SNX16: variants seen among roughly 807,000 people sequenced by gnomAD.
SNX16 encodes sorting nexin 16, also known as sorting nexin-16.
A neutral mutation model predicts 36.7 loss-of-function variants in SNX16; 35 were observed. The observed-to-expected ratio is 0.95, with a 90% CI of 0.73 to 1.27. The LOEUF (loss-of-function observed/expected upper bound fraction) is 1.27. SNX16 is among the 50% of genes most tolerant of loss of function. The pLI is 0.00. For missense variants in SNX16, 367 were observed against 393.6 expected, an observed-to-expected ratio of 0.93 and a Z score of 0.57; for synonymous variants, 134 against 132.0, an observed-to-expected ratio of 1.02 and a Z score of -0.10.
At chr8:81,815,265 G>A in intron 5 of SNX16, 60 bp downstream of exon 5, 3 of 1,239,084 alleles carry the variant, frequency 2.4e-6, no homozygotes, top group Non-Finnish European at 2.3e-6. Flanking sequence ...AAGAAACAAT[G>A]TAGTTATTGT....
chr8:81,836,030 T>C (rs1726960674), intron 2 of SNX16, among the ~76,000 whole-genome samples: 1 of 152,078 alleles, frequency 6.6e-6, no homozygotes, highest in Non-Finnish European at 1.5e-5. Context: ...CCTAATTACC[T>C]CCCACCAGGT....
At chr8:81,835,901 A>G (rs1586022520) in intron 2 of SNX16, among the ~76,000 whole-genome samples, 1 of 152,318 alleles carries the variant, frequency 6.6e-6, no homozygotes, top group South Asian at 2.1e-4. Context: ...CTTATTCACT[A>G]TCACAAGAAC....
At chr8:81,825,230 G>A (rs929138774) in intron 3 of SNX16, among the ~76,000 whole-genome samples, 8 of 152,176 alleles carry the variant, frequency 5.3e-5, no homozygotes, top group African/African-American at 1.9e-4. Context: ...TTCAGGAAGA[G>A]CATATGGGAC....
At chr8:81,807,725 G>T in intron 5 of SNX16, 1 of 609,580 alleles carries the variant, frequency 1.6e-6, no homozygotes, top group African/African-American at 1.8e-5. Context: ...TCTGCCCGTG[G>T]ATGCCGCCGA....
At chr8:81,839,551 G>GTT in intron 2 of SNX16, 61 bp downstream of exon 2, 1 of 1,450,240 alleles carries the variant, frequency 6.9e-7, no homozygotes, top group Non-Finnish European at 9.3e-7. Context: ...ACACTGGTTT[G>GTT]AACACAGAGA....
At chr8:81,808,360 G>A (rs1810065285) in intron 5 of SNX16, 19 of 1,307,228 alleles carry the variant, frequency 1.5e-5, no homozygotes, top group Non-Finnish European at 1.1e-6. Flanking sequence ...AGAGGTCGAA[G>A]TGGTTCTGGA....
In SNX16 at chr8:81,808,472, T is replaced by G. The variant is rs1260452067; in HGVS notation, c.682-5244A>C. 3.1e-6 allele frequency: 3 copies of G among 980,794 alleles called. No homozygotes were observed. In the East Asian group the frequency reaches 7.1e-5, roughly 23 times the overall value. The allele number at this position is 980,794 out of a possible 1,614,324, so 60.8% of individuals were successfully genotyped here. On this transcript the variant is annotated intron_variant, in intron 5 of 7. Coordinates refer to ENST00000345957, the MANE Select transcript of SNX16 (RefSeq NM_152836.3). ...GTGGCTTTGCTGACAGCTGTGGTGG[T>G]GGGGGATATGGTGGCAGTGGGGATG...
In SNX16 at chr8:81,801,179, C is replaced by T. The variant is rs1470908364; in HGVS notation, c.*318G>A. The stretch of plus-strand genomic sequence containing the variant: ...GATTTAACACACATACATATATACA[C>T]AGTAGTTTGGAGCAATATATAGGCA... On this transcript the variant is annotated 3_prime_UTR_variant, in exon 8 of 8. Coordinates refer to ENST00000345957, the MANE Select transcript of SNX16 (RefSeq NM_152836.3). The T allele has an allele frequency of 1.8e-4, 34 of 187,786 alleles. No individual in the cohort carries two copies. Among genetic ancestry groups the T allele is most frequent in the Non-Finnish European group, 1.1e-5 (1 of 91,712 alleles). The allele number at this position is 187,786 out of a possible 1,614,324, so 11.6% of individuals were successfully genotyped here.
intron 3 of SNX16, among the ~76,000 whole-genome samples, chr8:81,825,673 T>A (rs1810982080): frequency 6.6e-6 from 1 of 152,222 alleles, no homozygotes; most frequent in Non-Finnish European, 1.5e-5. Context: ...TGAATCCGTG[T>A]ATGTTTGCAT....
chr8:81,813,433 AT>A (rs1192290312), intron 5 of SNX16, among the ~76,000 whole-genome samples: 5 of 151,986 alleles, frequency 3.3e-5, no homozygotes, highest in African/African-American at 9.7e-5. Context: ...CTTAAAAAAA[AT>A]TAACCCAAAA....
chr8:81,822,422 A>G (rs4739627), intron 4 of SNX16, among the ~76,000 whole-genome samples: 98,979 of 151,866 alleles, frequency 0.65, 32,590 homozygotes, highest in South Asian at 0.69. Context: ...CCTAAGATTG[A>G]AAAGAAGGCA....
In SNX16 at chr8:81,803,105, C is replaced by G. The variant is rs146885039; in HGVS notation, c.805G>C (p.Glu269Gln). The G allele has an allele frequency of 2.3e-4, 366 of 1,608,074 alleles. No individual in the cohort carries two copies. The highest frequency in any genetic ancestry group is 2.9e-4 in the Non-Finnish European group (342 of 1,177,594). The change falls in exon 6 of 8, where the codon GAG (glutamate) becomes CAG (glutamine). Residue 269 changes from glutamate to glutamine, a missense_variant. Coordinates refer to ENST00000345957, the MANE Select transcript of SNX16 (RefSeq NM_152836.3). ...ATCACAACACACCTGATTCTGTTCT[C>G]TAAAGTGTCTATATGAAGTTGCTTC... ...SEKQLHIDTL[E>Q]NRIRTLSLEP...
At chr8:81,806,091 T>C (rs1205786819) in intron 5 of SNX16, among the ~76,000 whole-genome samples, 2 of 152,070 alleles carry the variant, frequency 1.3e-5, no homozygotes, top group Non-Finnish European at 2.9e-5. Context: ...AAAGAAAATA[T>C]CAAATCCAGA....
In SNX16 at chr8:81,800,089, T is replaced by C. The variant is rs1809617831; in HGVS notation, c.*1408A>G. The C allele has an allele frequency of 6.6e-6, 1 of 151,898 alleles. No individual in the cohort carries two copies. The highest frequency in any genetic ancestry group is 2.4e-5 in the African/African-American group (1 of 41,430). 9.4% of individuals were successfully genotyped at this position (151,898 alleles called of 1,614,324 possible). A position where few individuals can be genotyped will look rare whatever the true frequency, so the allele number is the denominator to read the frequency against. On this transcript the variant is annotated 3_prime_UTR_variant, in exon 8 of 8. Coordinates refer to ENST00000345957, the MANE Select transcript of SNX16 (RefSeq NM_152836.3). ...TAACAACAGCCATTGAATGTGTTGA[T>C]ATATGTCATTAGAATTTTAAACAGC...
chr8:81,811,970 GAGAA>G (rs1810275982), intron 5 of SNX16, among the ~76,000 whole-genome samples: 1 of 151,984 alleles, frequency 6.6e-6, no homozygotes, highest in Non-Finnish European at 1.5e-5. Context: ...TCTCAATAAA[GAGAA>G]AGAACAGTTA....
intron 5 of SNX16, among the ~76,000 whole-genome samples, chr8:81,814,479 G>T (rs1810393270): frequency 6.6e-6 from 1 of 151,982 alleles, no homozygotes. Context: ...GGCTGGAAGT[G>T]CAGACTGACT....
At chr8:81,824,064 G>C (rs1810899019) in intron 3 of SNX16, 124 bp from the exon 4 acceptor site, 2 of 951,026 alleles carry the variant, frequency 2.1e-6, no homozygotes, top group Admixed American at 3.1e-5. Context: ...ATTAAATTCA[G>C]TTAAGCTTTT....
chr8:81,800,680 GC>G lies in SNX16; in HGVS notation c.*816del, dbSNP rs1809645280. 1.3e-5 allele frequency: 2 copies of G among 152,190 alleles called. No individual in the cohort carries two copies. The highest frequency in any genetic ancestry group is 4.2e-4 in the South Asian group (2 of 4,818). The allele number at this position is 152,190 out of a possible 1,614,324, so 9.4% of individuals were successfully genotyped here. ...GCTTTTTATTTTCTTTTTTGTATAA[GC>G]CCCTATTTATTTAGAATCTATATTT... On this transcript the variant is annotated 3_prime_UTR_variant, in exon 8 of 8. Coordinates refer to ENST00000345957, the MANE Select transcript of SNX16 (RefSeq NM_152836.3).
At position 81,806,943 on chromosome 8, in the gene SNX16, G is replaced by A. The variant is rs1322201249; in HGVS notation, c.682-3715C>T. On this transcript the variant is annotated intron_variant, in intron 5 of 7. Coordinates refer to ENST00000345957, the MANE Select transcript of SNX16 (RefSeq NM_152836.3). ...GATGAAAAAAATGTAAACTTTTATT[G>A]AAGAACTTAAAAAAAAACCCTCCAT... Among the ~76,000 whole-genome samples, 4 of 131,684 alleles carry A rather than the reference G, an allele frequency of 3.0e-5. No individual in the cohort carries two copies. In the East Asian group the frequency reaches 7.8e-4, roughly 26 times the overall value. The allele number at this position is 131,684 out of a possible 152,430, so 86.4% of individuals were successfully genotyped here. A position where few individuals can be genotyped will look rare whatever the true frequency, so the allele number is the denominator to read the frequency against.
Sources: allele counts gnomAD v4.1 joint callset (sites outside exome capture counted in the v4.1 genomes callset), GRCh38; gene constraint gnomAD v4.1.1; transcripts MANE v1.5; gene names NCBI Gene and HGNC (gene_info 2026-07-23, HGNC 2026-07-21).